The following SNTG1 variants were observed in gnomAD, a reference collection of about 807,000 sequenced individuals.
SNTG1 encodes syntrophin gamma 1.
Under a neutral mutation model 74.7 loss-of-function variants are expected in SNTG1, and 39 were observed. That is an observed-to-expected ratio of 0.52 (90% CI 0.40 to 0.68). The LOEUF (loss-of-function observed/expected upper bound fraction) is 0.68, where lower values mean the gene tolerates loss of function less well. SNTG1 is among the 30% of genes least tolerant of loss of function. The pLI is 0.00. For missense variants in SNTG1, 685 were observed against 609.5 expected, an observed-to-expected ratio of 1.12 and a Z score of -1.30; for synonymous variants, 254 against 217.1, an observed-to-expected ratio of 1.17 and a Z score of -1.49.
chr8:50,414,292 A>G (rs2092987684), intron 4 of SNTG1, among the ~76,000 whole-genome samples: 1 of 152,222 alleles, frequency 6.6e-6, no homozygotes, highest in African/African-American at 2.4e-5. Context: ...ACACAGGTAG[A>G]GACAATTCAT....
intron 12 of SNTG1, among the ~76,000 whole-genome samples, chr8:50,567,670 G>A (rs943408321): frequency 6.6e-5 from 10 of 151,894 alleles, no homozygotes; most frequent in African/African-American, 2.4e-4. Context: ...TTAATAATAT[G>A]TACAAGAACC....
intron 2 of SNTG1, among the ~76,000 whole-genome samples, chr8:50,182,412 T>C (rs1353617692): frequency 6.6e-6 from 1 of 152,206 alleles, no homozygotes. Flanking sequence ...ACCATTTTTA[T>C]ATTGCAGGGT....
intron 2 of SNTG1, among the ~76,000 whole-genome samples, chr8:50,242,289 G>A (rs988369468): frequency 1.3e-5 from 2 of 151,904 alleles, no homozygotes; most frequent in African/African-American, 4.8e-5. Context: ...AGGACTTTGG[G>A]AGGCAGAGGT....
chr8:50,263,364 A>G (rs1178158624), intron 2 of SNTG1, among the ~76,000 whole-genome samples: 1 of 152,178 alleles, frequency 6.6e-6, no homozygotes, highest in Non-Finnish European at 1.5e-5. Context: ...AAAATGACAA[A>G]CGTAAATCTA....
At chr8:50,101,567 T>A (rs1415564039) in intron 1 of SNTG1, among the ~76,000 whole-genome samples, 1 of 152,054 alleles carries the variant, frequency 6.6e-6, no homozygotes, top group Non-Finnish European at 1.5e-5. Flanking sequence ...TTTATTTTAT[T>A]ATTATTATAC....
At chr8:50,344,896 TA>T in intron 2 of SNTG1, among the ~76,000 whole-genome samples, 1 of 152,272 alleles carries the variant, frequency 6.6e-6, no homozygotes, top group East Asian at 1.9e-4. Context: ...ATGAGGTTCT[TA>T]AAGTGGGCCC....
chr8:49,931,534 A>G (rs541677586), intron 1 of SNTG1, among the ~76,000 whole-genome samples: 1 of 152,238 alleles, frequency 6.6e-6, no homozygotes, highest in Admixed American at 6.5e-5. Context: ...AAACCTGCAC[A>G]TGTAACCCTA....
At chr8:50,414,973 A>C (rs1445034263) in intron 4 of SNTG1, among the ~76,000 whole-genome samples, 1 of 152,212 alleles carries the variant, frequency 6.6e-6, no homozygotes, top group East Asian at 1.9e-4. Context: ...ACTAGAGGTG[A>C]ACAATAAAGA....
At chr8:50,406,183 C>T (rs2092873768) in intron 4 of SNTG1, among the ~76,000 whole-genome samples, 1 of 152,048 alleles carries the variant, frequency 6.6e-6, no homozygotes, top group South Asian at 2.1e-4. Flanking sequence ...ATGAACATAA[C>T]ATCTTTCCAT....
intron 13 of SNTG1, among the ~76,000 whole-genome samples, chr8:50,610,159 G>A (rs556623101): frequency 6.6e-6 from 1 of 152,288 alleles, no homozygotes; most frequent in East Asian, 1.9e-4. Flanking sequence ...TGTAGGATCT[G>A]TCTCCCTTGT....
At chr8:50,595,527 T>C (rs1170322414) in intron 13 of SNTG1, among the ~76,000 whole-genome samples, 2 of 152,088 alleles carry the variant, frequency 1.3e-5, no homozygotes, top group African/African-American at 4.8e-5. Context: ...ATTCAAATAA[T>C]AGAAAGTTGT....
intron 1 of SNTG1, among the ~76,000 whole-genome samples, chr8:49,937,653 A>C (rs571498489): frequency 6.6e-6 from 1 of 152,316 alleles, no homozygotes; most frequent in South Asian, 2.1e-4. Context: ...AGCTACACTC[A>C]AAATGTGGAA....
intron 2 of SNTG1, among the ~76,000 whole-genome samples, chr8:50,333,893 T>C (rs1325661823): frequency 6.6e-6 from 1 of 152,234 alleles, no homozygotes; most frequent in African/African-American, 2.4e-5. Context: ...GCTCTCATTA[T>C]CTCCATTAAA....
At chr8:50,229,080 G>C (rs1231680807) in intron 2 of SNTG1, among the ~76,000 whole-genome samples, 1 of 151,520 alleles carries the variant, frequency 6.6e-6, no homozygotes, top group Non-Finnish European at 1.5e-5. Flanking sequence ...ATTTAGATCA[G>C]CTAAAATGAT....
At chr8:50,399,708 A>T (rs1425630280) in intron 3 of SNTG1, among the ~76,000 whole-genome samples, 1 of 152,146 alleles carries the variant, frequency 6.6e-6, no homozygotes, top group Non-Finnish European at 1.5e-5. Flanking sequence ...CCCCTCAAAA[A>T]GGATGCATGT....
intron 2 of SNTG1, among the ~76,000 whole-genome samples, chr8:50,218,838 G>A (rs2084919417): frequency 6.6e-6 from 1 of 152,156 alleles, no homozygotes; most frequent in Non-Finnish European, 1.5e-5. Flanking sequence ...TGACAACAAA[G>A]TAAGAGGAAT....
intron 9 of SNTG1, among the ~76,000 whole-genome samples, chr8:50,521,024 A>G (rs548634659): frequency 8.1e-4 from 124 of 152,294 alleles, no homozygotes; most frequent in African/African-American, 2.3e-3. Context: ...AACCAACCCA[A>G]CTGCCCATCA....
intron 1 of SNTG1, among the ~76,000 whole-genome samples, chr8:49,970,438 C>T (rs911375094): frequency 6.6e-6 from 1 of 152,156 alleles, no homozygotes; most frequent in South Asian, 2.1e-4. Context: ...CATTTAGTGA[C>T]CCTGTCTGAT....
rs543787641 is a variant in SNTG1 at position 50,640,455 on chromosome 8, A to T, written c.850-16454A>T. Among the ~76,000 whole-genome samples, 4 of 152,232 alleles carry T rather than the reference A, an allele frequency of 2.6e-5. 1 individual carries two copies. The highest frequency in any genetic ancestry group is 9.6e-5 in the African/African-American group (4 of 41,540). On this transcript the variant is annotated intron_variant, in intron 13 of 18. Coordinates refer to ENST00000642720, the MANE Select transcript of SNTG1 (RefSeq NM_018967.5). ...GTTCTCTCAAGTGGTATCTGATTTC[A>T]TTTCCTGTTTATAATCTTACTAAAC...
Sources: allele counts gnomAD v4.1 joint callset (sites outside exome capture counted in the v4.1 genomes callset), GRCh38; gene constraint gnomAD v4.1.1; transcripts MANE v1.5; gene names NCBI Gene and HGNC (gene_info 2026-07-23, HGNC 2026-07-21).